NEGR1: variants seen among roughly 807,000 people sequenced by gnomAD.
The protein encoded by NEGR1 is IgLON family member 4.
A neutral mutation model predicts 40.9 loss-of-function variants in NEGR1; 10 were observed. That is an observed-to-expected ratio of 0.24 (90% CI 0.15 to 0.42). NEGR1 has a LOEUF of 0.42. Ranked by LOEUF, NEGR1 falls within the 10% of genes least tolerant of loss-of-function variation. The pLI, the probability that NEGR1 is intolerant of heterozygous loss-of-function variation, is 1.00. For missense variants in NEGR1, 352 were observed against 438.9 expected, an observed-to-expected ratio of 0.80 and a Z score of 1.77; for synonymous variants, 185 against 166.8, an observed-to-expected ratio of 1.11 and a Z score of -0.84.
chr1:71,597,442 C>G (rs1223048825), intron 5 of NEGR1, among the ~76,000 whole-genome samples: 1 of 28,922 alleles, frequency 3.5e-5, no homozygotes, highest in African/African-American at 6.9e-5. Context: ...GTCTCTCTCT[C>G]TCTCTCTCTC....
intron 1 of NEGR1, among the ~76,000 whole-genome samples, chr1:72,149,255 C>T (rs12028372): frequency 0.054 from 8,271 of 152,142 alleles, 510 homozygotes; most frequent in East Asian, 0.31. Flanking sequence ...TTCACTATCA[C>T]GAGAATAGTA....
At chr1:71,498,901 T>C (rs147070621) in intron 6 of NEGR1, among the ~76,000 whole-genome samples, 3 of 152,162 alleles carry the variant, frequency 2.0e-5, no homozygotes, top group Non-Finnish European at 1.5e-5. Context: ...GCCAGGTCTC[T>C]TGGCTTCCAT....
In NEGR1 at chr1:71,654,060, A is replaced by C. The variant is rs189849205; in HGVS notation, c.668-42914T>G. Reference sequence around the variant, plus strand: ...ATAAAAAGATGGGGAGGAACCTTCAAGTCATATTGATAAGCGAAAGAAGCC... The same window carrying C: ...ATAAAAAGATGGGGAGGAACCTTCACGTCATATTGATAAGCGAAAGAAGCC... On this transcript the variant is annotated intron_variant, in intron 4 of 6. Transcript: ENST00000357731. Among the ~76,000 whole-genome samples, 219 of 152,266 alleles carry C rather than the reference A, an allele frequency of 1.4e-3. 1 individual carries two copies. The highest frequency in any genetic ancestry group is 0.01 in the Middle Eastern group (3 of 294).
intron 4 of NEGR1, among the ~76,000 whole-genome samples, chr1:71,686,829 T>C (rs555815962): frequency 1.3e-5 from 2 of 152,304 alleles, no homozygotes; most frequent in African/African-American, 4.8e-5. Context: ...AGAGACTGCA[T>C]CCTCAAGTGA....
intron 1 of NEGR1, among the ~76,000 whole-genome samples, chr1:72,277,254 A>G (rs1047449771): frequency 3.9e-5 from 6 of 152,098 alleles, no homozygotes; most frequent in African/African-American, 1.4e-4. Context: ...CATAACACAG[A>G]ATAGCAGATG....
At chr1:72,096,826 A>AT (rs1488120776) in intron 1 of NEGR1, among the ~76,000 whole-genome samples, 3 of 151,582 alleles carry the variant, frequency 2.0e-5, no homozygotes, top group East Asian at 2.0e-4. Flanking sequence ...ACGCCCGGCT[A>AT]TTTTTTTGTA....
chr1:71,692,625 G>C (rs76952486), intron 4 of NEGR1, among the ~76,000 whole-genome samples: 4,056 of 151,828 alleles, frequency 0.027, 185 homozygotes, highest in African/African-American at 0.094. Flanking sequence ...CATTTCCCTA[G>C]AAGCCTCCTC....
intron 1 of NEGR1, among the ~76,000 whole-genome samples, chr1:72,066,208 T>C (rs1647268166): frequency 6.6e-6 from 1 of 152,104 alleles, no homozygotes; most frequent in Admixed American, 6.6e-5. Context: ...GAAGGTTGAG[T>C]TAGTTTCCCA....
At chr1:71,706,112 C>T (rs1653887990) in intron 3 of NEGR1, among the ~76,000 whole-genome samples, 1 of 152,212 alleles carries the variant, frequency 6.6e-6, no homozygotes, top group South Asian at 2.1e-4. Flanking sequence ...CCAATGCCAG[C>T]CACCCCCTTC....
chr1:71,828,745 C>T (rs1032653793), intron 2 of NEGR1, among the ~76,000 whole-genome samples: 2 of 151,940 alleles, frequency 1.3e-5, no homozygotes, highest in Non-Finnish European at 2.9e-5. Flanking sequence ...ACCTGCTGTC[C>T]TGCACTCCAC....
At position 72,033,883 on chromosome 1, in the gene NEGR1, C is replaced by T. The variant is rs143256719; in HGVS notation, c.177-98572G>A. The stretch of plus-strand genomic sequence containing the variant: ...TGTCCCTGAAGTGGATAAAGCCACT[C>T]GGACTCAAACTGTAAAACACCCCCT... On this transcript the variant is annotated intron_variant, in intron 1 of 6. Transcript: ENST00000357731. Among the ~76,000 whole-genome samples, 867 of 152,260 alleles carry T rather than the reference C, an allele frequency of 5.7e-3. 5 individuals are homozygous for T. The highest frequency in any genetic ancestry group is 0.037 in the Middle Eastern group (11 of 294).
chr1:72,132,193 T>C (rs1650281681), intron 1 of NEGR1, among the ~76,000 whole-genome samples: 1 of 152,216 alleles, frequency 6.6e-6, no homozygotes, highest in South Asian at 2.1e-4. Flanking sequence ...GGTAAACTAA[T>C]GTGATTTCCA....
intron 6 of NEGR1, among the ~76,000 whole-genome samples, chr1:71,585,325 T>C (rs558363032): frequency 1.1e-4 from 17 of 152,230 alleles, no homozygotes; most frequent in African/African-American, 4.1e-4. Context: ...GTTAGTCTAG[T>C]CCCCTCATAT....
At chr1:72,220,049 T>C (rs1451085062) in intron 1 of NEGR1, among the ~76,000 whole-genome samples, 1 of 152,078 alleles carries the variant, frequency 6.6e-6, no homozygotes, top group Non-Finnish European at 1.5e-5. Flanking sequence ...TCTTGGAAAC[T>C]ATTTCCCATG....
intron 1 of NEGR1, among the ~76,000 whole-genome samples, chr1:72,240,058 G>A (rs1286379432): frequency 1.3e-5 from 2 of 151,854 alleles, no homozygotes; most frequent in African/African-American, 4.8e-5. Context: ...ACCTTGAAAA[G>A]AGCCCCTCTC....
At chr1:71,594,920 T>C (rs1307654529) in intron 5 of NEGR1, among the ~76,000 whole-genome samples, 1 of 152,176 alleles carries the variant, frequency 6.6e-6, no homozygotes, top group Non-Finnish European at 1.5e-5. Flanking sequence ...CGACCAACAG[T>C]AGGACTATTT....
intron 1 of NEGR1, among the ~76,000 whole-genome samples, chr1:72,223,539 C>T (rs1386630311): frequency 2.0e-5 from 3 of 152,210 alleles, no homozygotes; most frequent in East Asian, 1.9e-4. Flanking sequence ...TTTAAGTGGC[C>T]GTGACTATAA....
At chr1:72,035,753 G>C (rs1646896607) in intron 1 of NEGR1, among the ~76,000 whole-genome samples, 1 of 152,096 alleles carries the variant, frequency 6.6e-6, no homozygotes, top group African/African-American at 2.4e-5. Context: ...GTGCTTGGCA[G>C]CTTATTATTT....
At chr1:71,904,332 G>A (rs191332542) in intron 2 of NEGR1, among the ~76,000 whole-genome samples, 15 of 151,912 alleles carry the variant, frequency 9.9e-5, no homozygotes, top group African/African-American at 3.1e-4. Flanking sequence ...TGCCAATTCC[G>A]CACAAGTGGA....
Sources: allele counts gnomAD v4.1 joint callset (sites outside exome capture counted in the v4.1 genomes callset), GRCh38; gene constraint gnomAD v4.1.1; transcripts MANE v1.5; gene names NCBI Gene and HGNC (gene_info 2026-07-23, HGNC 2026-07-21).